ADAMTS13: variants seen among roughly 807,000 people sequenced by gnomAD.
The protein encoded by ADAMTS13 is A disintegrin and metalloproteinase with thrombospondin motifs 13.
In ADAMTS13, 110 loss-of-function variants were observed where a neutral mutation model predicts 155.1. The observed-to-expected ratio is 0.71, with a 90% CI of 0.61 to 0.83. The LOEUF (loss-of-function observed/expected upper bound fraction) is 0.83. Among genes scored for constraint, ADAMTS13 ranks in the 40% least tolerant of loss-of-function variants. The pLI, the probability that ADAMTS13 is intolerant of heterozygous loss-of-function variation, is 0.00. For missense variants in ADAMTS13, 1,707 were observed against 1,891.7 expected (o/e 0.90, Z 1.81); for synonymous variants, 758 against 756.4 (o/e 1.00, Z -0.03).
At chr9:133,450,282 A>T (rs587594177) in intron 23 of ADAMTS13, among the ~76,000 whole-genome samples, 1 of 151,620 alleles carries the variant, frequency 6.6e-6, no homozygotes, top group African/African-American at 2.4e-5. Flanking sequence ...AAAATACAAC[A>T]ATTAGGCTGG....
chr9:133,438,651 C>G (rs987129105), intron 14 of ADAMTS13, among the ~76,000 whole-genome samples: 4 of 152,178 alleles, frequency 2.6e-5, no homozygotes, highest in African/African-American at 9.7e-5. Context: ...GCTGTGCTCA[C>G]GCCTGTACTC....
intron 14 of ADAMTS13, among the ~76,000 whole-genome samples, chr9:133,438,910 C>A (rs79954801): frequency 2.7e-3 from 299 of 110,952 alleles, no homozygotes; most frequent in Middle Eastern, 5.2e-3. Flanking sequence ...GACACTGTCT[C>A]AAAAAAAAAA....
chr9:133,438,247 C>G lies in ADAMTS13; in HGVS notation c.1586C>G (p.Thr529Arg), dbSNP rs782343737. The G allele has an allele frequency of 3.1e-6, 5 of 1,614,034 alleles. No homozygotes were observed. ...CCCTCTGTCCTTCCCTTTGCATAGACATTTGGCTGTGATGGTAGGATGGAC... is the reference window on the plus strand; with the variant it reads ...CCCTCTGTCCTTCCCTTTGCATAGAGATTTGGCTGTGATGGTAGGATGGAC... ...LSLCVSGSCR[T>R]FGCDGRMDSQ... Residue 529 changes from threonine (T) to arginine (R), a missense_variant and splice_region_variant, in exon 14 of 29, where the codon ACA becomes AGA. Around this residue, in one of 3 missense-constraint regions of ADAMTS13, gnomAD observed 733 missense variants for 749.6 expected, o/e 0.98. Coordinates refer to ENST00000355699, the MANE Select transcript of ADAMTS13 (RefSeq NM_139027.6).
In ADAMTS13 at chr9:133,437,801, G is replaced by A; in HGVS notation, c.1488G>A (p.Met496Ile). 6.2e-7 allele frequency: 1 copy of A among 1,613,992 alleles called. No individual in the cohort carries two copies. The highest frequency in any genetic ancestry group is 1.3e-5 in the African/African-American group (1 of 75,060). ...MCRAIGESFI[M>I]KRGDSFLDGT... ...GGGCCATTGGCGAGAGCTTCATCATGAAGCGTGGAGACAGCTTCCTCGATG... is the reference window on the plus strand; with the variant it reads ...GGGCCATTGGCGAGAGCTTCATCATAAAGCGTGGAGACAGCTTCCTCGATG... Residue 496 changes from methionine (M) to isoleucine (I), a missense_variant, in exon 13 of 29, where the codon ATG becomes ATA. By Grantham distance (10) the Met-to-Ile change is conservative (BLOSUM62 1). This residue lies in a region of ADAMTS13 where 733 missense variants were observed against 749.6 expected (regional missense o/e 0.98). Transcript: ENST00000355699.
intron 8 of ADAMTS13, among the ~76,000 whole-genome samples, chr9:133,432,359 A>G (rs1032865326): frequency 2.6e-5 from 4 of 152,240 alleles, no homozygotes; most frequent in African/African-American, 9.6e-5. Context: ...AAAGACACAA[A>G]AAACACATTT....
chr9:133,445,002 C>A lies in ADAMTS13; in HGVS notation c.2560C>A (p.Pro854Thr). 6.2e-7 allele frequency: 1 copy of A among 1,613,482 alleles called. No homozygotes were observed. The highest frequency in any genetic ancestry group is 1.3e-5 in the African/African-American group (1 of 75,050). ...GCCTGGCTCCGTAGATGAGAAGCTGCCTGCCCCTGAGCCCTGTGTCGGGAT... is the reference window on the plus strand; with the variant it reads ...GCCTGGCTCCGTAGATGAGAAGCTGACTGCCCCTGAGCCCTGTGTCGGGAT... ...EGPGSVDEKL[P>T]APEPCVGMSC... is the part of the protein sequence containing the mutation. Residue 854 changes from proline (P) to threonine (T), a missense_variant, in exon 20 of 29, where the codon CCT becomes ACT. This residue lies in a region of ADAMTS13 where 961 missense variants were observed against 1,107.9 expected (regional missense o/e 0.87). Transcript: ENST00000355699. This position sits in a 1 kb window ranked among gnomAD's most constrained non-coding sequence, Gnocchi z 5.0.
Position 133,429,947 on chromosome 9 carries a change from G to C in ADAMTS13, c.833G>C (p.Arg278Pro), listed in dbSNP as rs1048430091. The C allele has an allele frequency of 9.1e-6, 14 of 1,535,194 alleles. No individual in the cohort carries two copies. In the African/African-American group the frequency reaches 1.2e-4, roughly 14 times the overall value. Residue 278 changes from arginine (R) to proline (P), a missense_variant, in exon 8 of 29, where the codon CGG becomes CCG. This residue lies in a region of ADAMTS13 where 733 missense variants were observed against 749.6 expected (regional missense o/e 0.98). Coordinates refer to ENST00000355699, the MANE Select transcript of ADAMTS13 (RefSeq NM_139027.6). ...GCCGGGCCTTGTCGCAGCGCAGGAC[G>C]GGCGCGCTGCGTGTGGGACCCGCCG... is the stretch of plus-strand genomic sequence containing the variant. ...RQLLSLLSAG[R>P]ARCVWDPPRP...
rs1554784527 is a variant in ADAMTS13, at chr9:133,424,304, T to C, written c.173-17T>C. 1.2e-6 allele frequency: 2 copies of C among 1,610,912 alleles called. No homozygotes were observed. The highest frequency in any genetic ancestry group is 2.2e-5 in the South Asian group (2 of 90,992). On this transcript the variant is annotated splice_polypyrimidine_tract_variant and intron_variant, in intron 2 of 28. Coordinates refer to ENST00000355699, the MANE Select transcript of ADAMTS13 (RefSeq NM_139027.6). This position sits in a 1 kb window ranked among gnomAD's most constrained non-coding sequence, Gnocchi z 4.3. ...TCTCTAGAACCATCGCCCTCTGCTC[T>C]CCCTCTCCCCCTCCAGGCCGCCCTC...
intron 12 of ADAMTS13, 142 bp downstream of exon 12, chr9:133,437,097 T>C (rs1554789327): frequency 8.8e-7 from 1 of 1,131,574 alleles, no homozygotes; most frequent in Non-Finnish European, 1.2e-6. Context: ...AGACCATGGA[T>C]GACATAGTGG....
chr9:133,442,764 G>C, intron 18 of ADAMTS13, 21 bp downstream of exon 18: 1 of 1,609,716 alleles, frequency 6.2e-7, no homozygotes, highest in Non-Finnish European at 8.5e-7. Flanking sequence ...TGCTGTCTGC[G>C]CAGCTCCAAG....
At position 133,456,009 on chromosome 9, in the gene ADAMTS13, G is replaced by C. The variant is rs1554795767; in HGVS notation, c.3401-60G>C. ...CTCCTTCCTCAGCTTGGAAGCCCCG[G>C]AGCCTGCCCTGCTGGGAATCGGGGA... On this transcript the variant is annotated intron_variant, in intron 25 of 28. Transcript: ENST00000355699. The surrounding 1 kb of genome is among the most constrained non-coding windows in gnomAD (Gnocchi z 4.4). 6.2e-7 allele frequency: 1 copy of C among 1,610,208 alleles called. No homozygotes were observed. The highest frequency in any genetic ancestry group is 2.2e-5 in the East Asian group (1 of 44,882).
At position 133,426,054 on chromosome 9, in the gene ADAMTS13, T is replaced by C. The variant is rs1328851023; in HGVS notation, c.531T>C (p.Tyr177=). The change falls in exon 5 of 29, where the codon TAT becomes TAC. Residue 177 remains tyrosine, a synonymous_variant. Coordinates refer to ENST00000355699, the MANE Select transcript of ADAMTS13 (RefSeq NM_139027.6). ...CTGGCCATGCTGACCTGGTCCTCTA[T>C]ATCACTAGGTAGCCGAGCTTTCTGA... ...TDPGHADLVL[Y]ITRFDLELPD... 2 of 1,613,888 alleles carry C rather than the reference T, an allele frequency of 1.2e-6. No homozygotes were observed. Among genetic ancestry groups the C allele is most frequent in the African/African-American group, 2.7e-5 (2 of 74,928 alleles).
chr9:133,432,337 G>A (rs966696612), intron 8 of ADAMTS13, among the ~76,000 whole-genome samples: 6 of 152,062 alleles, frequency 3.9e-5, no homozygotes, highest in Non-Finnish European at 8.8e-5. Flanking sequence ...AGTTAAGAAG[G>A]AAAAAAAGAA....
chr9:133,455,604 G>A (rs1554795648), intron 25 of ADAMTS13, 169 bp downstream of exon 25: 3 of 1,600,520 alleles, frequency 1.9e-6, no homozygotes, highest in Middle Eastern at 2.2e-4. Flanking sequence ...GTGCAGTCCA[G>A]TTATGTCCTG....
At chr9:133,433,772 C>A in intron 11 of ADAMTS13, 68 bp downstream of exon 11, 1 of 1,568,056 alleles carries the variant, frequency 6.4e-7, no homozygotes, top group South Asian at 1.1e-5. Context: ...CCAAAGTGAC[C>A]ATCTGTGGTT....
upstream of ADAMTS13, among the ~76,000 whole-genome samples, chr9:133,419,757 G>C (rs1055372556): frequency 1.3e-5 from 2 of 152,074 alleles, no homozygotes; most frequent in African/African-American, 4.8e-5. Context: ...TGTTTGTTTT[G>C]AGACGGAGTC....
At position 133,429,990 on chromosome 9, in the gene ADAMTS13, C is replaced by T. The variant is rs1554786737; in HGVS notation, c.876C>T (p.Ser292=). 1.9e-6 allele frequency: 3 copies of T among 1,557,260 alleles called. No homozygotes were observed. The highest frequency in any genetic ancestry group is 2.4e-5 in the East Asian group (1 of 42,232). ...VWDPPRPQPG[S]AGHPPDAQPG... is the part of the protein sequence containing the mutation. ...ACCCGCCGCGGCCTCAACCCGGGTC[C>T]GCGGGGCACCCGCCGGATGCGCAGC... The change falls in exon 8 of 29, where the codon TCC becomes TCT. Residue 292 remains serine, a synonymous_variant. Coordinates refer to ENST00000355699, the MANE Select transcript of ADAMTS13 (RefSeq NM_139027.6).
chr9:133,429,718 G>A (rs1409632558), intron 7 of ADAMTS13: 2 of 711,642 alleles, frequency 2.8e-6, no homozygotes, highest in Non-Finnish European at 5.0e-6. Flanking sequence ...CTCCGTCGCC[G>A]CTCCCTCTGC....
upstream of ADAMTS13, chr9:133,417,566 C>T (rs1554781900): frequency 2.5e-6 from 4 of 1,569,614 alleles, no homozygotes; most frequent in African/African-American, 5.4e-5. Context: ...CCCTCCGTCG[C>T]GTTCTGCGGG....
Sources: allele counts gnomAD v4.1 joint callset (sites outside exome capture counted in the v4.1 genomes callset), GRCh38; gene constraint gnomAD v4.1.1; regional missense constraint gnomAD v4.1.1; non-coding constraint Gnocchi (gnomAD v3.1); transcripts MANE v1.5; gene names NCBI Gene and HGNC (gene_info 2026-07-23, HGNC 2026-07-21).